SIAE: variants seen among roughly 807,000 people sequenced by gnomAD.
The protein encoded by SIAE is sialate O-acetylesterase.
Under a neutral mutation model 52.6 loss-of-function variants are expected in SIAE, and 39 were observed. That is an observed-to-expected ratio of 0.74 (90% confidence interval 0.57 to 0.97). The LOEUF is 0.97. Among genes scored for constraint, SIAE ranks in the 50% least tolerant of loss-of-function variants. The pLI is 0.00. For synonymous variants in SIAE, 233 were observed against 241.4 expected (o/e 0.97, Z 0.32); for missense variants, 592 against 662.1 (o/e 0.89, Z 1.16).
In SIAE at chr11:124,646,455, TC is replaced by T. The variant is rs1318366478; in HGVS notation, c.966+909del. Among the ~76,000 whole-genome samples, 7 of 152,152 alleles carry T rather than the reference TC, an allele frequency of 4.6e-5. No homozygotes were observed. The East Asian group carries it at 1.4e-3, about 29-fold the overall frequency. On this transcript the variant is annotated intron_variant, in intron 7 of 9. Transcript: ENST00000263593. Reference sequence around the variant, plus strand: ...GGCTTCCTAACTAATATGTAGGCTGTCTGGGACCTAAAGGATGATTAAAGTT... The same window carrying T: ...GGCTTCCTAACTAATATGTAGGCTGTTGGGACCTAAAGGATGATTAAAGTT...
rs1170371521 is a variant in SIAE at position 124,636,996 on chromosome 11, G to T, written c.1527C>A (p.Phe509Leu). Reference protein sequence around the residue: ...SALPAPPFIAFITDQGPGHQS... With the variant: ...SALPAPPFIALITDQGPGHQS... ...GATGTCCAGGACCCTGGTCTGTAAT[G>T]AAAGCAATGAAGGGAGGGGCTGGCA... Residue 509 changes from phenylalanine to leucine, a missense_variant, in exon 10 of 10, where the codon TTC becomes TTA. Coordinates refer to ENST00000263593, the MANE Select transcript of SIAE (RefSeq NM_170601.5). 1 of 1,614,184 alleles carries T rather than the reference G, an allele frequency of 6.2e-7. No homozygotes were observed. Among genetic ancestry groups the T allele is most frequent in the Admixed American group, 1.7e-5 (1 of 60,020 alleles).
At chr11:124,661,800 T>C (rs530295793) in intron 2 of SIAE, among the ~76,000 whole-genome samples, 1 of 152,318 alleles carries the variant, frequency 6.6e-6, no homozygotes, top group African/African-American at 2.4e-5. Context: ...ATCAGATCAA[T>C]GTAAATTCAA....
At chr11:124,658,460 T>G (rs548181222) in intron 3 of SIAE, among the ~76,000 whole-genome samples, 2 of 152,172 alleles carry the variant, frequency 1.3e-5, no homozygotes, top group South Asian at 4.2e-4. Context: ...ATTTGTAAAG[T>G]AGGAATGTGG....
In SIAE at chr11:124,636,793, G is replaced by T. The variant is rs1942750104; in HGVS notation, c.*158C>A. 2.9e-6 allele frequency: 3 copies of T among 1,045,172 alleles called. No homozygotes were observed. The highest frequency in any genetic ancestry group is 1.6e-5 in the African/African-American group (1 of 62,850). 64.7% of individuals were successfully genotyped at this position (1,045,172 alleles called of 1,614,324 possible). On this transcript the variant is annotated 3_prime_UTR_variant, in exon 10 of 10. Coordinates refer to ENST00000263593, the MANE Select transcript of SIAE (RefSeq NM_170601.5). ...CATTTCAAGTTACCTATAAGCCTGG[G>T]CTCATCAGAATATAGAAACAGCCAT...
At chr11:124,669,649 C>T (rs534289148) in intron 1 of SIAE, 128 bp from the exon 2 acceptor site, 157 of 880,176 alleles carry the variant, frequency 1.8e-4, no homozygotes, top group Non-Finnish European at 2.6e-4. Flanking sequence ...TCCCTTTAAT[C>T]GTCTAAAACT....
intron 2 of SIAE, among the ~76,000 whole-genome samples, chr11:124,668,093 A>T (rs1943297772): frequency 1.3e-5 from 2 of 152,176 alleles, no homozygotes; most frequent in South Asian, 4.1e-4. Context: ...AGCAATGACA[A>T]ACAAGTCTCC....
chr11:124,649,965 T>A (rs968079710), intron 4 of SIAE, among the ~76,000 whole-genome samples, 169 bp from the exon 5 acceptor site: 2 of 152,206 alleles, frequency 1.3e-5, no homozygotes, highest in Non-Finnish European at 2.9e-5. Flanking sequence ...AGATACAGCA[T>A]CAAGACCAAT....
At chr11:124,655,849 T>C (rs1168852084) in intron 3 of SIAE, among the ~76,000 whole-genome samples, 3 of 152,326 alleles carry the variant, frequency 2.0e-5, no homozygotes, top group African/African-American at 7.2e-5. Context: ...GTAAATGCTA[T>C]GTAAATATTT....
chr11:124,646,575 T>C (rs990073208), intron 7 of SIAE, among the ~76,000 whole-genome samples: 2 of 151,190 alleles, frequency 1.3e-5, no homozygotes, highest in Non-Finnish European at 2.9e-5. Flanking sequence ...TAACACCAAG[T>C]TGGGGAGGGG....
At position 124,638,658 on chromosome 11, in the gene SIAE, A is replaced by G. The variant is rs149241865; in HGVS notation, c.1204T>C (p.Leu402=). 2 of 1,614,006 alleles carry G rather than the reference A, an allele frequency of 1.2e-6. No homozygotes were observed. The highest frequency in any genetic ancestry group is 2.7e-5 in the African/African-American group (2 of 74,904). The change falls in exon 9 of 10, where the codon TTG becomes CTG. Residue 402 remains leucine, a synonymous_variant. Transcript: ENST00000263593. The part of the protein sequence containing the change: ...ARALAYGEKN[L]TFEGPLPEKI... ...TCAGGCAGTGGTCCTTCAAAGGTCA[A>G]ATTCTTCTCACCATAAGCCAGAGCA...
intron 1 of SIAE, among the ~76,000 whole-genome samples, chr11:124,672,115 G>A (rs1163772454): frequency 1.3e-5 from 2 of 152,070 alleles, no homozygotes; most frequent in African/African-American, 2.4e-5. Flanking sequence ...GTTTCGCCAT[G>A]TTGGCCAGGC....
chr11:124,656,213 T>G (rs914109606), intron 3 of SIAE, among the ~76,000 whole-genome samples: 1 of 152,230 alleles, frequency 6.6e-6, no homozygotes, highest in Non-Finnish European at 1.5e-5. Flanking sequence ...AACCCGTATG[T>G]ATTGTTTTTT....
intron 1 of SIAE, among the ~76,000 whole-genome samples, chr11:124,672,326 C>T (rs759446076): frequency 3.9e-5 from 6 of 152,118 alleles, no homozygotes; most frequent in Non-Finnish European, 8.8e-5. Context: ...GATGCATTGG[C>T]GAGGAGCACA....
At position 124,636,179 on chromosome 11, in the gene SIAE, T is replaced by C. The variant is rs946291242; in HGVS notation, c.*772A>G. The C allele has an allele frequency of 1.3e-5, 2 of 152,256 alleles. No individual in the cohort carries two copies. The highest frequency in any genetic ancestry group is 2.9e-5 in the Non-Finnish European group (2 of 68,076). 9.4% of individuals were successfully genotyped at this position (152,256 alleles called of 1,614,324 possible). ...GGCTACTCCCACCTGGCCCTTGCTTTTCATTCCTTAGGGCAGTCACTTAGC... is the reference window on the plus strand; with the variant it reads ...GGCTACTCCCACCTGGCCCTTGCTTCTCATTCCTTAGGGCAGTCACTTAGC... On this transcript the variant is annotated 3_prime_UTR_variant, in exon 10 of 10. Transcript: ENST00000263593.
chr11:124,649,730 T>C lies in SIAE; in HGVS notation c.611A>G (p.Tyr204Cys), dbSNP rs757310803. ...AVCWLFGRHL[Y>C]DTLQYPIGLI... is the part of the protein sequence containing the mutation. ...CCCGATGGGATACTGCAGAGTGTCA[T>C]AAAGGTGACGTCCAAAGAGCCAGCA... Residue 204 changes from tyrosine to cysteine, a missense_variant, in exon 5 of 10, where the codon TAT becomes TGT. Transcript: ENST00000263593. 5.6e-6 allele frequency: 9 copies of C among 1,614,014 alleles called. No homozygotes were observed. In the South Asian group the frequency reaches 9.9e-5, roughly 18 times the overall value.
upstream of SIAE, chr11:124,675,086 CTT>C: frequency 2.9e-6 from 2 of 680,862 alleles, no homozygotes; most frequent in Non-Finnish European, 4.6e-6. Flanking sequence ...TTTCAAAACT[CTT>C]TGGAAGAAAT....
chr11:124,675,580 A>G (rs975840850), upstream of SIAE: 31 of 650,716 alleles, frequency 4.8e-5, no homozygotes, highest in Non-Finnish European at 7.2e-5. Flanking sequence ...CCTCTTTGAT[A>G]TGTTCTCTTA....
intron 5 of SIAE, 65 bp downstream of exon 5, chr11:124,649,554 G>A (rs149793694): frequency 0.014 from 21,916 of 1,558,658 alleles, 207 homozygotes; most frequent in South Asian, 0.027. Context: ...CACAGAGGAC[G>A]ATGACCCTCT....
At chr11:124,640,559 G>T (rs1942828317) in intron 7 of SIAE, among the ~76,000 whole-genome samples, 1 of 152,154 alleles carries the variant, frequency 6.6e-6, no homozygotes, top group Non-Finnish European at 1.5e-5. Flanking sequence ...TGATACATCT[G>T]TATACAACAC....
Sources: gnomAD v4.1 joint callset for allele counts (sites outside exome capture counted in the v4.1 genomes callset) on GRCh38, gnomAD v4.1.1 for gene constraint, MANE v1.5 for transcripts, NCBI Gene and HGNC (gene_info 2026-07-23, HGNC 2026-07-21) for gene names.